The following LRBA variants were observed in gnomAD, a reference collection of about 807,000 sequenced individuals.
LRBA encodes the protein lipopolysaccharide-responsive and beige-like anchor protein.
LRBA carries 176 observed loss-of-function variants against 330.0 expected under a neutral mutation model. The observed-to-expected ratio is 0.53, with a 90% CI of 0.47 to 0.60. LRBA has a LOEUF of 0.60. LRBA is among the 20% of genes least tolerant of loss of function. The probability of loss-of-function intolerance (pLI) is 0.00; values close to 1 mark genes in which losing one functional copy is unlikely to be tolerated. For synonymous variants in LRBA, 1,230 were observed against 1,193.0 expected, an observed-to-expected ratio of 1.03 and a Z score of -0.64; for missense variants, 3,259 against 3,444.8, an observed-to-expected ratio of 0.95 and a Z score of 1.35.
chr4:150,963,432 C>T lies in LRBA; in HGVS notation c.217-34367G>A, dbSNP rs1439648222. On this transcript the variant is annotated intron_variant, in intron 2 of 56. Coordinates refer to ENST00000651943, the MANE Select transcript of LRBA (RefSeq NM_001364905.1). ...CAGCTCCTGACTGCGAGTGGTCTGC[C>T]GGCCTCGGCCTCCTGAGGTGCCGGG... is the stretch of plus-strand genomic sequence containing the variant. Among the ~76,000 whole-genome samples, 6 of 149,638 alleles carry T rather than the reference C, an allele frequency of 4.0e-5. 1 individual carries two copies. The highest frequency in any genetic ancestry group is 5.1e-5 in the African/African-American group (2 of 38,966).
chr4:150,800,460 T>G (rs1741442913), intron 33 of LRBA, among the ~76,000 whole-genome samples: 1 of 152,188 alleles, frequency 6.6e-6, no homozygotes, highest in Non-Finnish European at 1.5e-5. Flanking sequence ...AACATCAAAA[T>G]GTAGAACTTA....
intron 37 of LRBA, among the ~76,000 whole-genome samples, chr4:150,663,653 G>C (rs1781322128): frequency 6.6e-6 from 1 of 151,914 alleles, no homozygotes; most frequent in Admixed American, 6.5e-5. Flanking sequence ...TAAGACCCTG[G>C]TAGTATATAT....
At chr4:150,286,112 T>C in intron 53 of LRBA, 78 bp from the exon 54 acceptor site, 1 of 965,962 alleles carries the variant, frequency 1.0e-6, no homozygotes, top group Non-Finnish European at 1.6e-6. Context: ...TGCTCCTAAT[T>C]TCCATCATGC....
chr4:150,718,233 T>C (rs868217498), intron 36 of LRBA, among the ~76,000 whole-genome samples: 5 of 152,076 alleles, frequency 3.3e-5, no homozygotes. Context: ...ATGATAAGCA[T>C]GCAATGAACT....
chr4:150,297,571 T>C (rs978237145), intron 53 of LRBA, among the ~76,000 whole-genome samples: 10 of 152,224 alleles, frequency 6.6e-5, no homozygotes, highest in African/African-American at 2.2e-4. Context: ...AAGGTCTTGA[T>C]GAGACACACA....
chr4:150,607,520 T>C (rs79937744), intron 37 of LRBA, among the ~76,000 whole-genome samples: 2 of 150,812 alleles, frequency 1.3e-5, no homozygotes, highest in East Asian at 3.9e-4. Flanking sequence ...GCATCCTAGA[T>C]GCCTAATAAC....
chr4:150,500,172 A>G (rs1310692890), intron 40 of LRBA, among the ~76,000 whole-genome samples: 1 of 152,116 alleles, frequency 6.6e-6, no homozygotes, highest in Non-Finnish European at 1.5e-5. Context: ...TGATCTGATT[A>G]CTATACATTA....
At chr4:150,713,843 C>T (rs1786473677) in intron 36 of LRBA, among the ~76,000 whole-genome samples, 1 of 152,196 alleles carries the variant, frequency 6.6e-6, no homozygotes, top group Non-Finnish European at 1.5e-5. Flanking sequence ...ACAATTATCA[C>T]ATTTTCCCCA....
In LRBA at chr4:150,329,782, G is replaced by A. The variant is rs528496024; in HGVS notation, c.7363-3884C>T. 4.6e-5 allele frequency among the ~76,000 whole-genome samples: 7 copies of A among 152,280 alleles called. No homozygotes were observed. In the East Asian group the frequency reaches 1.4e-3, roughly 29 times the overall value. On this transcript the variant is annotated intron_variant, in intron 48 of 56. Coordinates refer to ENST00000651943, the MANE Select transcript of LRBA (RefSeq NM_001364905.1). ...TTTTATTTTAGCATTTCTCAGTCAA[G>A]AATTAGATTCTTCTGATTTTTTAAA...
At position 150,382,602 on chromosome 4, in the gene LRBA, G is replaced by A. The variant is rs185198317; in HGVS notation, c.7195-32443C>T. Among the ~76,000 whole-genome samples the A allele has an allele frequency of 8.7e-3, 1,299 of 148,952 alleles. 17 individuals are homozygous for A. Among genetic ancestry groups the A allele is most frequent in the African/African-American group, 0.03 (1,232 of 40,568 alleles). On this transcript the variant is annotated intron_variant, in intron 47 of 56. Coordinates refer to ENST00000651943, the MANE Select transcript of LRBA (RefSeq NM_001364905.1). ...TGTGCCACTGCACTCCAGCCTGGGT[G>A]ACAGAGTGAGACTCTGTTTCAAAAA...
Position 150,960,427 on chromosome 4 carries a change from G to A in LRBA, c.217-31362C>T, listed in dbSNP as rs527919678. Among the ~76,000 whole-genome samples, 56 of 148,960 alleles carry A rather than the reference G, an allele frequency of 3.8e-4. 9 individuals carry two copies. Among genetic ancestry groups the A allele is most frequent in the African/African-American group, 1.4e-3 (54 of 38,494 alleles). ...CCATGGGAAATGCTAAATGTCAAAA[G>A]GTCCAGGTTTTTTAAAAGGTCCAGG... On this transcript the variant is annotated intron_variant, in intron 2 of 56. Coordinates refer to ENST00000651943, the MANE Select transcript of LRBA (RefSeq NM_001364905.1).
chr4:150,521,010 C>G (rs1037030530), intron 40 of LRBA, among the ~76,000 whole-genome samples: 1 of 151,930 alleles, frequency 6.6e-6, no homozygotes, highest in African/African-American at 2.4e-5. Context: ...TCTGTCTTCC[C>G]AGTAATTTGT....
intron 40 of LRBA, among the ~76,000 whole-genome samples, chr4:150,503,857 G>A (rs1159416905): frequency 5.9e-5 from 9 of 152,226 alleles, no homozygotes; most frequent in East Asian, 1.9e-4. Flanking sequence ...AAAATTAGAC[G>A]AATGGATAAC....
At chr4:150,867,989 A>G (rs1416827558) in intron 21 of LRBA, 126 bp from the exon 22 acceptor site, 2 of 911,780 alleles carry the variant, frequency 2.2e-6, no homozygotes, top group East Asian at 5.3e-5. Flanking sequence ...ATTTAGTTAT[A>G]CATTAAGAAC....
intron 37 of LRBA, among the ~76,000 whole-genome samples, chr4:150,661,543 AT>A (rs1245048619): frequency 6.6e-6 from 1 of 151,910 alleles, no homozygotes; most frequent in African/African-American, 2.4e-5. Context: ...TCCATTAAAT[AT>A]TTTACAAAAT....
At chr4:150,811,427 G>A (rs1252927794) in intron 31 of LRBA, among the ~76,000 whole-genome samples, 1 of 146,116 alleles carries the variant, frequency 6.8e-6, no homozygotes, top group African/African-American at 2.5e-5. Context: ...GAGGCTTTAG[G>A]AAAAAAAAAA....
rs60145657 is a variant in LRBA at position 150,697,325 on chromosome 4, G to GAAAAAAAAAAAAAAAAAAAAAAAAAAA, written c.5755-13609_5755-13608insTTTTTTTTTTTTTTTTTTTTTTTTTTT. On this transcript the variant is annotated intron_variant, in intron 36 of 56. Transcript: ENST00000651943. The stretch of plus-strand genomic sequence containing the variant: ...GGTGACAGAGTGAGACTTTGTCTCA[G>GAAAAAAAAAAAAAAAAAAAAAAAAAAA]AAAAAAAAAAAAAAAAAAAAAAAAA... Among the ~76,000 whole-genome samples, 3 of 28,054 alleles carry GAAAAAAAAAAAAAAAAAAAAAAAAAAA rather than the reference G, an allele frequency of 1.1e-4. 1 individual carries two copies. Among genetic ancestry groups the GAAAAAAAAAAAAAAAAAAAAAAAAAAA allele is most frequent in the Admixed American group, 7.7e-4 (1 of 1,296 alleles). 18.4% of individuals were successfully genotyped at this position (28,054 alleles called of 152,430 possible).
intron 34 of LRBA, among the ~76,000 whole-genome samples, chr4:150,766,204 A>G (rs1366250275): frequency 6.6e-6 from 1 of 152,090 alleles, no homozygotes; most frequent in Non-Finnish European, 1.5e-5. Flanking sequence ...TTAGGAATAA[A>G]ATGAAAATAC....
intron 40 of LRBA, among the ~76,000 whole-genome samples, chr4:150,517,075 T>C (rs1385978631): frequency 6.6e-6 from 1 of 152,182 alleles, no homozygotes; most frequent in Non-Finnish European, 1.5e-5. Flanking sequence ...CCACAATCAA[T>C]ATATTATGGA....
Sources: allele counts gnomAD v4.1 joint callset (sites outside exome capture counted in the v4.1 genomes callset), GRCh38; gene constraint gnomAD v4.1.1; transcripts MANE v1.5; gene names NCBI Gene and HGNC (gene_info 2026-07-23, HGNC 2026-07-21).